The following SLC4A4 variants were observed in gnomAD, a reference collection of about 807,000 sequenced individuals.
SLC4A4 encodes the protein electrogenic sodium bicarbonate cotransporter 1.
SLC4A4 carries 27 observed loss-of-function variants against 111.5 expected under a neutral mutation model. The ratio of observed to expected loss-of-function variants is 0.24; its 90% CI spans 0.18 to 0.33. SLC4A4 has a LOEUF of 0.33. Among genes scored for constraint, SLC4A4 ranks in the 10% least tolerant of loss-of-function variants. The pLI, the probability that SLC4A4 is intolerant of heterozygous loss-of-function variation, is 1.00. For synonymous variants in SLC4A4, 443 were observed against 463.4 expected (o/e 0.96, Z 0.57); for missense variants, 909 against 1,315.5 (o/e 0.69, Z 4.78).
intron 16 of SLC4A4, among the ~76,000 whole-genome samples, chr4:71,523,750 A>T (rs1733169050): frequency 1.3e-5 from 2 of 152,090 alleles, no homozygotes; most frequent in Non-Finnish European, 2.9e-5. Context: ...TTATTTTTAA[A>T]CTTTTACTCT....
intron 16 of SLC4A4, among the ~76,000 whole-genome samples, chr4:71,522,858 G>A (rs1000348178): frequency 7.9e-5 from 12 of 152,118 alleles, no homozygotes; most frequent in Non-Finnish European, 1.8e-4. Flanking sequence ...GAAGTGTGGC[G>A]CTTCAGAAAC....
At chr4:71,103,723 C>A (rs1012419051) in intron 2 of SLC4A4, among the ~76,000 whole-genome samples, 1 of 151,850 alleles carries the variant, frequency 6.6e-6, no homozygotes, top group African/African-American at 2.4e-5. Flanking sequence ...TTGAAACCAA[C>A]GAGAACAAAG....
rs1246986444 is a variant in SLC4A4 at position 71,386,166 on chromosome 4, G to A, written c.731-11411G>A. On this transcript the variant is annotated intron_variant, in intron 6 of 25. Coordinates refer to ENST00000264485, the MANE Select transcript of SLC4A4 (RefSeq NM_001098484.3). The stretch of plus-strand genomic sequence containing the variant: ...TTCTACCATTCTGTTTTGCTTAAGA[G>A]AATTCCAAAATCTGTTTCTTGTAGC... Among the ~76,000 whole-genome samples the A allele has an allele frequency of 2.0e-5, 3 of 151,932 alleles. No homozygotes were observed. In the East Asian group the frequency reaches 5.8e-4, roughly 29 times the overall value.
chr4:71,452,913 A>G (rs1268842944), intron 11 of SLC4A4, among the ~76,000 whole-genome samples: 1 of 152,100 alleles, frequency 6.6e-6, no homozygotes. Context: ...TTTGATTTTT[A>G]TCACTATGTG....
intron 16 of SLC4A4, 83 bp downstream of exon 16, chr4:71,497,775 C>G: frequency 5.2e-6 from 6 of 1,157,648 alleles, no homozygotes; most frequent in Non-Finnish European, 7.8e-6. Flanking sequence ...AAAAAGGCAC[C>G]TGTAATTCAA....
At chr4:71,235,221 C>T (rs1392370909) in intron 1 of SLC4A4, among the ~76,000 whole-genome samples, 4 of 152,108 alleles carry the variant, frequency 2.6e-5, no homozygotes, top group African/African-American at 7.2e-5. Context: ...TTTCTTAAAC[C>T]GGGGGCTACC....
chr4:71,371,384 C>A (rs564217368), intron 6 of SLC4A4, among the ~76,000 whole-genome samples: 18 of 151,710 alleles, frequency 1.2e-4, no homozygotes, highest in African/African-American at 4.4e-4. Flanking sequence ...GCTGGGATTA[C>A]AGGCGCCCAC....
chr4:71,207,838 G>A (rs1717861795), intron 1 of SLC4A4, among the ~76,000 whole-genome samples: 1 of 152,100 alleles, frequency 6.6e-6, no homozygotes, highest in Admixed American at 6.5e-5. Context: ...GGGGAGACAG[G>A]GGCTCATTCC....
At chr4:71,274,021 G>A (rs780709668) in intron 3 of SLC4A4, among the ~76,000 whole-genome samples, 6 of 152,136 alleles carry the variant, frequency 3.9e-5, no homozygotes, top group East Asian at 1.9e-4. Flanking sequence ...ACCTAACACC[G>A]TCAAATCTGT....
intron 15 of SLC4A4, 147 bp downstream of exon 15, chr4:71,487,165 A>G (rs1027203799): frequency 4.2e-5 from 15 of 356,762 alleles, no homozygotes; most frequent in Non-Finnish European, 5.8e-5. Flanking sequence ...GAGGGACGGG[A>G]AAAAAAAAAG....
chr4:71,199,482 T>A (rs1044139656), intron 1 of SLC4A4, among the ~76,000 whole-genome samples: 13 of 152,110 alleles, frequency 8.5e-5, no homozygotes, highest in Admixed American at 4.6e-4. Context: ...TTTGGGTGAG[T>A]TTAAAAATCA....
chr4:71,229,812 GTTTTTT>G (rs546659911), intron 1 of SLC4A4, among the ~76,000 whole-genome samples: 3 of 124,354 alleles, frequency 2.4e-5, no homozygotes, highest in South Asian at 2.7e-4. Context: ...CCCCTGCGAA[GTTTTTT>G]TTTTTTTTTT....
At chr4:71,135,942 T>C (rs1743832307) in intron 2 of SLC4A4, among the ~76,000 whole-genome samples, 1 of 152,224 alleles carries the variant, frequency 6.6e-6, no homozygotes, top group African/African-American at 2.4e-5. Context: ...TATTTTGGAC[T>C]TTACTGAAGC....
intron 6 of SLC4A4, among the ~76,000 whole-genome samples, chr4:71,374,806 G>C (rs934986215): frequency 6.6e-6 from 1 of 151,544 alleles, no homozygotes; most frequent in Admixed American, 6.6e-5. Flanking sequence ...TTCCTAATAA[G>C]ATTTTGGGAT....
At chr4:71,357,337 C>G (rs1346909660) in intron 6 of SLC4A4, 150 bp downstream of exon 6, 1 of 809,204 alleles carries the variant, frequency 1.2e-6, no homozygotes, top group Non-Finnish European at 2.0e-6. Flanking sequence ...CATTTTTAAT[C>G]CAGTTGGACA....
intron 2 of SLC4A4, among the ~76,000 whole-genome samples, chr4:71,097,848 T>C (rs1311984886): frequency 6.6e-6 from 1 of 152,212 alleles, no homozygotes; most frequent in Non-Finnish European, 1.5e-5. Flanking sequence ...GTTCATGTCC[T>C]TTGCCCACTT....
At chr4:71,236,009 A>G (rs1294558255) in intron 1 of SLC4A4, 11 of 984,582 alleles carry the variant, frequency 1.1e-5, no homozygotes, top group African/African-American at 3.5e-5. Context: ...CACTCAACAG[A>G]GAATACTGGG....
chr4:71,262,112 A>G (rs1372713220), intron 3 of SLC4A4, among the ~76,000 whole-genome samples: 1 of 152,112 alleles, frequency 6.6e-6, no homozygotes, highest in Non-Finnish European at 1.5e-5. Context: ...TTGAATGTGT[A>G]TTTGTGAGTT....
chr4:71,153,495 T>G (rs1289661901), intron 2 of SLC4A4, among the ~76,000 whole-genome samples: 1 of 152,160 alleles, frequency 6.6e-6, no homozygotes, highest in East Asian at 1.9e-4. Flanking sequence ...TCCTGTTAGA[T>G]GTCTCTGGCC....
Sources: allele counts gnomAD v4.1 joint callset (sites outside exome capture counted in the v4.1 genomes callset), GRCh38; gene constraint gnomAD v4.1.1; transcripts MANE v1.5; gene names NCBI Gene and HGNC (gene_info 2026-07-23, HGNC 2026-07-21).